The following ARID1B variants were observed in gnomAD, a reference collection of about 807,000 sequenced individuals.
ARID1B encodes the protein AT-rich interactive domain-containing protein 1B.
Under a neutral mutation model 212.3 loss-of-function variants are expected in ARID1B, and 30 were observed. The ratio of observed to expected loss-of-function variants is 0.14; its 90% CI spans 0.11 to 0.19. The LOEUF is 0.19. Among genes scored for constraint, ARID1B ranks in the 10% least tolerant of loss-of-function variants. The probability of loss-of-function intolerance (pLI) is 1.00; values close to 1 mark genes in which losing one functional copy is unlikely to be tolerated. For synonymous variants in ARID1B, 1,402 were observed against 1,301.7 expected (o/e 1.08, Z -1.66); for missense variants, 2,891 against 3,204.0 (o/e 0.90, Z 2.36).
intron 6 of ARID1B, among the ~76,000 whole-genome samples, chr6:157,118,951 T>G (rs555563130): frequency 6.6e-6 from 1 of 152,374 alleles, no homozygotes; most frequent in South Asian, 2.1e-4. Context: ...TGGCTCATTA[T>G]TCTTCATTGA....
At chr6:156,943,746 T>C (rs1192599267) in intron 4 of ARID1B, 4 of 152,196 alleles carry the variant, frequency 2.6e-5, no homozygotes, top group Admixed American at 2.6e-4. Context: ...TTTTTAGAGC[T>C]CTTGATTTAA....
chr6:156,896,749 T>C (rs571671696), intron 2 of ARID1B, among the ~76,000 whole-genome samples: 1 of 151,630 alleles, frequency 6.6e-6, no homozygotes, highest in South Asian at 2.1e-4. Context: ...CGTGGTGGCA[T>C]GCACCTATAA....
At chr6:157,180,001 A>G (rs1208973067) in intron 11 of ARID1B, among the ~76,000 whole-genome samples, 1 of 152,204 alleles carries the variant, frequency 6.6e-6, no homozygotes, top group African/African-American at 2.4e-5. Flanking sequence ...GCATAAATAA[A>G]GTAAATTATT....
chr6:157,095,179 A>G (rs963120181), intron 5 of ARID1B, among the ~76,000 whole-genome samples: 1 of 152,142 alleles, frequency 6.6e-6, no homozygotes, highest in Non-Finnish European at 1.5e-5. Context: ...TGCATTTCCA[A>G]TAATTTCTAG....
At chr6:156,807,329 AG>A (rs1049143926) in intron 1 of ARID1B, among the ~76,000 whole-genome samples, 12 of 152,194 alleles carry the variant, frequency 7.9e-5, no homozygotes, top group African/African-American at 2.9e-4. Context: ...AACCAAGCTC[AG>A]GGTTCTCTGT....
chr6:156,974,377 T>C (rs1320102272), intron 4 of ARID1B, among the ~76,000 whole-genome samples: 1 of 152,168 alleles, frequency 6.6e-6, no homozygotes, highest in Non-Finnish European at 1.5e-5. Flanking sequence ...AAACCAACAT[T>C]TAAAACACAT....
intron 4 of ARID1B, among the ~76,000 whole-genome samples, chr6:156,987,159 CAGAGAG>C (rs56189333): frequency 0.033 from 4,702 of 141,508 alleles, 140 homozygotes; most frequent in African/African-American, 0.082. Context: ...GCCTCGGTGA[CAGAGAG>C]AGAGAGAGAG....
chr6:156,978,378 A>G (rs1306940697), intron 4 of ARID1B, among the ~76,000 whole-genome samples: 1 of 152,248 alleles, frequency 6.6e-6, no homozygotes, highest in Non-Finnish European at 1.5e-5. Context: ...GATCTTGTCC[A>G]GATTTTTATT....
chr6:156,920,179 C>T (rs1790668479), intron 3 of ARID1B, among the ~76,000 whole-genome samples: 1 of 152,246 alleles, frequency 6.6e-6, no homozygotes, highest in African/African-American at 2.4e-5. Context: ...CCCTTCACCT[C>T]CCTCCCCTTC....
intron 4 of ARID1B, among the ~76,000 whole-genome samples, chr6:156,967,711 G>C (rs931068778): frequency 6.6e-6 from 1 of 152,066 alleles, no homozygotes; most frequent in Non-Finnish European, 1.5e-5. Context: ...AGACTTTTCT[G>C]AATGTATTTA....
chr6:156,930,714 TA>T (rs201547903), intron 3 of ARID1B, among the ~76,000 whole-genome samples: 36 of 150,654 alleles, frequency 2.4e-4, no homozygotes, highest in Non-Finnish European at 4.1e-4. Context: ...TGTGTGGCCA[TA>T]AAAAAAAAGA....
chr6:157,160,478 C>A (rs1259269949), intron 8 of ARID1B, among the ~76,000 whole-genome samples: 1 of 152,254 alleles, frequency 6.6e-6, no homozygotes, highest in Non-Finnish European at 1.5e-5. Flanking sequence ...TGTGCTCCAC[C>A]ACCTGTTCCA....
At chr6:156,824,033 T>C (rs921667380) in intron 1 of ARID1B, among the ~76,000 whole-genome samples, 1 of 152,210 alleles carries the variant, frequency 6.6e-6, no homozygotes, top group African/African-American at 2.4e-5. Flanking sequence ...TATAGCTGAA[T>C]TGTGCTACCC....
chr6:156,962,971 C>CG (rs1794498312), intron 4 of ARID1B, among the ~76,000 whole-genome samples: 2 of 151,852 alleles, frequency 1.3e-5, no homozygotes, highest in Non-Finnish European at 2.9e-5. Context: ...TTAGTAGAGA[C>CG]GGGGTTTCAC....
intron 1 of ARID1B, among the ~76,000 whole-genome samples, chr6:156,791,975 AT>A: frequency 6.6e-6 from 1 of 152,250 alleles, no homozygotes; most frequent in South Asian, 2.1e-4. Flanking sequence ...TACTTTTGAC[AT>A]AGTGGACAAT....
intron 4 of ARID1B, among the ~76,000 whole-genome samples, chr6:157,031,934 C>A (rs1266398672): frequency 6.6e-6 from 1 of 152,080 alleles, no homozygotes; most frequent in African/African-American, 2.4e-5. Context: ...GTAGCTGGGA[C>A]TACCGGCATG....
At chr6:157,057,006 A>ATT (rs145502825) in intron 4 of ARID1B, among the ~76,000 whole-genome samples, 89 of 145,008 alleles carry the variant, frequency 6.1e-4, no homozygotes, top group Non-Finnish European at 8.9e-4. Flanking sequence ...AGTTGTTTGA[A>ATT]TTTTTTTTTT....
At chr6:156,841,300 T>C (rs983179475) in intron 2 of ARID1B, among the ~76,000 whole-genome samples, 1 of 150,956 alleles carries the variant, frequency 6.6e-6, no homozygotes, top group Middle Eastern at 3.4e-3. Flanking sequence ...CGTAGCCCAT[T>C]TCCAAAGCAG....
chr6:157,112,793 T>C (rs545882214), intron 6 of ARID1B, among the ~76,000 whole-genome samples: 2 of 152,348 alleles, frequency 1.3e-5, no homozygotes, highest in South Asian at 4.1e-4. Context: ...TCTTTAGTGG[T>C]ACCACTGTAT....
Sources: gnomAD v4.1 joint callset for allele counts (sites outside exome capture counted in the v4.1 genomes callset) on GRCh38, gnomAD v4.1.1 for gene constraint, MANE v1.5 for transcripts, NCBI Gene and HGNC (gene_info 2026-07-23, HGNC 2026-07-21) for gene names.